The following PXMP2 variants were observed in gnomAD, a reference collection of about 807,000 sequenced individuals.
PXMP2 encodes 22 kDa peroxisomal membrane protein.
PXMP2 carries 13 observed loss-of-function variants against 20.2 expected under a neutral mutation model. The observed-to-expected ratio is 0.64, with a 90% CI of 0.42 to 1.02. The LOEUF (loss-of-function observed/expected upper bound fraction) is 1.02. Among genes scored for constraint, PXMP2 ranks in the 50% least tolerant of loss-of-function variants. The probability of loss-of-function intolerance (pLI) is 0.00; values close to 1 mark genes in which losing one functional copy is unlikely to be tolerated. For synonymous variants in PXMP2, 113 were observed against 111.2 expected (o/e 1.02, Z -0.10); for missense variants, 284 against 251.8 (o/e 1.13, Z -0.87).
intron 4 of PXMP2, among the ~76,000 whole-genome samples, chr12:132,704,079 C>T (rs1009380129): frequency 5.9e-5 from 9 of 152,214 alleles, no homozygotes; most frequent in South Asian, 2.1e-4. Flanking sequence ...CTCGGAGACG[C>T]GGCGATTAAC....
chr12:132,701,333 A>G lies in PXMP2; in HGVS notation c.483A>G (p.Pro161=), dbSNP rs942894627. ...ALRMNWRVWT[P]LQFININYVP... is the part of the protein sequence containing the mutation. ...GGATGAACTGGCGGGTGTGGACGCC[A>G]CTACAGTTCATCAACATCAACTACG... Residue 161 remains proline (P), a synonymous_variant, in exon 4 of 5, where the codon CCA becomes CCG. Coordinates refer to ENST00000317479, the MANE Select transcript of PXMP2 (RefSeq NM_018663.3). 3 of 1,612,948 alleles carry G rather than the reference A, an allele frequency of 1.9e-6. No homozygotes were observed. Among genetic ancestry groups the G allele is most frequent in the African/African-American group, 2.7e-5 (2 of 74,830 alleles).
chr12:132,696,121 AT>A lies in PXMP2; in HGVS notation c.399+77del. On this transcript the variant is annotated intron_variant, in intron 3 of 4. Transcript: ENST00000317479. The surrounding 1 kb of genome is among the most constrained non-coding windows in gnomAD (Gnocchi z 4.4). ...TTCTTCACCTGACATTCTCGGCAGA[AT>A]TCAGAGGGTCTGCAGATTTTTCACT... 1 of 1,436,308 alleles carries A rather than the reference AT, an allele frequency of 7.0e-7. No homozygotes were observed. Among genetic ancestry groups the A allele is most frequent in the Non-Finnish European group, 9.3e-7 (1 of 1,073,942 alleles). 89.0% of individuals were successfully genotyped at this position (1,436,308 alleles called of 1,614,324 possible).
chr12:132,699,775 G>C (rs1448992230), intron 3 of PXMP2, among the ~76,000 whole-genome samples: 1 of 152,032 alleles, frequency 6.6e-6, no homozygotes, highest in Non-Finnish European at 1.5e-5. Flanking sequence ...CCTCTGTTGG[G>C]GGACGTTTAG....
intron 4 of PXMP2, among the ~76,000 whole-genome samples, chr12:132,703,081 T>C (rs1394481024): frequency 2.6e-5 from 4 of 152,204 alleles, no homozygotes; most frequent in African/African-American, 9.6e-5. Context: ...TGAAGCCAGA[T>C]TGCCTTGAAG....
intron 2 of PXMP2, among the ~76,000 whole-genome samples, chr12:132,694,553 CAGTT>C (rs1356030795): frequency 0.011 from 1,069 of 98,362 alleles, 100 homozygotes; most frequent in African/African-American, 0.038. Flanking sequence ...GCGCCCTTGC[CAGTT>C]AGTTAGTGAG....
chr12:132,698,098 C>T (rs971370382), intron 3 of PXMP2, among the ~76,000 whole-genome samples: 1 of 151,812 alleles, frequency 6.6e-6, no homozygotes, highest in Middle Eastern at 3.4e-3. Context: ...GCAACCTTCG[C>T]CTCTTGGGTT....
rs1239536782 is a variant in PXMP2, at chr12:132,696,046, G to C, written c.399G>C (p.Glu133Asp). The C allele has an allele frequency of 6.2e-7, 1 of 1,602,338 alleles. No individual in the cohort carries two copies. Among genetic ancestry groups the C allele is most frequent in the Non-Finnish European group, 8.5e-7 (1 of 1,173,398 alleles). ...TCTTCCTCATCATGAACTTTCTGGA[G>C]GTGGGTGTCTGCCACAGCACTTACT... ...MLFFLIMNFL[E>D]GKDASAFAAK... Residue 133 changes from glutamate to aspartate, a missense_variant and splice_region_variant, in exon 3 of 5, where the codon GAG becomes GAC. Physicochemically the swap from Glu to Asp is conservative, Grantham distance 45 (BLOSUM62 2). Coordinates refer to ENST00000317479, the MANE Select transcript of PXMP2 (RefSeq NM_018663.3). This position sits in a 1 kb window ranked among gnomAD's most constrained non-coding sequence, Gnocchi z 4.4.
chr12:132,690,586 T>C (rs1192001154), intron 2 of PXMP2, among the ~76,000 whole-genome samples: 1 of 152,196 alleles, frequency 6.6e-6, no homozygotes, highest in Non-Finnish European at 1.5e-5. Context: ...TTCTTTTTTT[T>C]TGGAGACAGA....
chr12:132,698,004 C>T (rs1292355354), intron 3 of PXMP2, among the ~76,000 whole-genome samples: 3 of 150,776 alleles, frequency 2.0e-5, no homozygotes, highest in African/African-American at 4.9e-5. Context: ...GTGTCTGAGA[C>T]GTGTCACCTT....
chr12:132,701,993 G>A (rs542009558), intron 4 of PXMP2, among the ~76,000 whole-genome samples: 1 of 152,210 alleles, frequency 6.6e-6, no homozygotes, highest in Non-Finnish European at 1.5e-5. Context: ...AGGTGGCTGA[G>A]GCACAAGAAT....
At position 132,690,375 on chromosome 12, in the gene PXMP2, G is replaced by T. The variant is rs139307012; in HGVS notation, c.235G>T (p.Gly79Trp). 8 of 1,610,910 alleles carry T rather than the reference G, an allele frequency of 5.0e-6. No homozygotes were observed. Among genetic ancestry groups the T allele is most frequent in the Non-Finnish European group, 6.8e-6 (8 of 1,177,388 alleles). The change falls in exon 2 of 5, where the codon GGG becomes TGG. Residue 79 changes from glycine (G) to tryptophan (W), a missense_variant and splice_region_variant. By Grantham distance (184) the Gly-to-Trp change is radical. Transcript: ENST00000317479. ...TGGGCCTCTGAGATATGCCGTTTACGGGTGAGTGCCATACAAGGGGTGGGT... is the reference window on the plus strand; with the variant it reads ...TGGGCCTCTGAGATATGCCGTTTACTGGTGAGTGCCATACAAGGGGTGGGT... ...VGGPLRYAVYGFFFTGPLSHF... is the reference protein window; with the variant it reads ...VGGPLRYAVYWFFFTGPLSHF...
intron 3 of PXMP2, among the ~76,000 whole-genome samples, chr12:132,698,716 T>G (rs891788348): frequency 3.1e-4 from 47 of 152,150 alleles, no homozygotes; most frequent in African/African-American, 1.1e-3. Context: ...AACCTCCGCC[T>G]CTCGGGTTCA....
chr12:132,702,604 G>A (rs1330639228), intron 4 of PXMP2: 3 of 219,140 alleles, frequency 1.4e-5, no homozygotes, highest in East Asian at 3.3e-4. Flanking sequence ...TACTCTGGGC[G>A]GGCATCTCTG....
intron 2 of PXMP2, among the ~76,000 whole-genome samples, chr12:132,692,712 A>AGTTAGTTAAGTGAGCG (rs1565990638): frequency 4.0e-5 from 2 of 49,904 alleles, no homozygotes; most frequent in African/African-American, 1.4e-4. Context: ...GTTAGTGAGC[A>AGTTAGTTAAGTGAGCG]CCCTTGCCAG....
intron 1 of PXMP2, among the ~76,000 whole-genome samples, chr12:132,689,209 C>T (rs1308721933): frequency 7.5e-6 from 1 of 133,458 alleles, no homozygotes; most frequent in South Asian, 2.5e-4. Flanking sequence ...AGCGGGTCTG[C>T]GTGGTGCGGG....
At position 132,687,810 on chromosome 12, in the gene PXMP2, A is replaced by AAGACAGGGCCAGGGG; in HGVS notation, c.122+19_122+20insGACAGGGCCAGGGGA. The AAGACAGGGCCAGGGG allele has an allele frequency of 8.8e-7, 1 of 1,134,066 alleles. No homozygotes were observed. Among genetic ancestry groups the AAGACAGGGCCAGGGG allele is most frequent in the South Asian group, 4.1e-5 (1 of 24,132 alleles). 70.3% of individuals were successfully genotyped at this position (1,134,066 alleles called of 1,614,324 possible). A position where few individuals can be genotyped will look rare whatever the true frequency, so the allele number is the denominator to read the frequency against. ...GCCACCAGGTGAGCGGGGGCGCGGG[A>AAGACAGGGCCAGGGG]ATCGGACGCCGCCCCGGCCCCAGGT... On this transcript the variant is annotated intron_variant, in intron 1 of 4. Transcript: ENST00000317479.
chr12:132,702,771 T>C (rs1379125737), intron 4 of PXMP2, among the ~76,000 whole-genome samples: 1 of 152,166 alleles, frequency 6.6e-6, no homozygotes, highest in Non-Finnish European at 1.5e-5. Context: ...TGAACAGGCC[T>C]GCAGTGGCTG....
chr12:132,695,297 C>T (rs1446175051), intron 2 of PXMP2, among the ~76,000 whole-genome samples: 1 of 151,900 alleles, frequency 6.6e-6, no homozygotes, highest in Admixed American at 6.6e-5. Context: ...AGTGAGTTCC[C>T]TTGCCAGTTT....
chr12:132,697,012 G>A (rs1279881219), intron 3 of PXMP2, among the ~76,000 whole-genome samples: 2 of 151,808 alleles, frequency 1.3e-5, no homozygotes, highest in Non-Finnish European at 2.9e-5. Flanking sequence ...ACAGGGCCGG[G>A]CATGATGGTG....
Sources: gnomAD v4.1 joint callset for allele counts (sites outside exome capture counted in the v4.1 genomes callset) on GRCh38, gnomAD v4.1.1 for gene constraint, Gnocchi (gnomAD v3.1) non-coding constraint, MANE v1.5 for transcripts, NCBI Gene and HGNC (gene_info 2026-07-23, HGNC 2026-07-21) for gene names.